Variants in SOCS6 observed in about 807,000 individuals in gnomAD.
SOCS6 encodes the protein STAT induced STAT inhibitor-4.
A neutral mutation model predicts 27.7 loss-of-function variants in SOCS6; 5 were observed. That is an observed-to-expected ratio of 0.18 (90% CI 0.09 to 0.38). The LOEUF is 0.38. Ranked by LOEUF, SOCS6 falls within the 10% of genes least tolerant of loss-of-function variation. SOCS6 has a pLI of 1.00. For missense variants in SOCS6, 595 were observed against 688.1 expected (o/e 0.86, Z 1.51); for synonymous variants, 271 against 260.0 (o/e 1.04, Z -0.41).
At chr18:70,312,270 G>T (rs1172445223) in intron 1 of SOCS6, among the ~76,000 whole-genome samples, 2 of 151,958 alleles carry the variant, frequency 1.3e-5, no homozygotes, top group Non-Finnish European at 2.9e-5. Context: ...CCAATATGTG[G>T]TCTGTATTTA....
chr18:70,324,939 G>A lies in SOCS6; in HGVS notation c.271G>A (p.Ala91Thr). The A allele has an allele frequency of 6.2e-7, 1 of 1,614,216 alleles. No homozygotes were observed. The highest frequency in any genetic ancestry group is 8.5e-7 in the Non-Finnish European group (1 of 1,180,044). The change falls in exon 2 of 2, where the codon GCG becomes ACG. Residue 91 changes from alanine to threonine, a missense_variant. Ala to Thr is a moderately conservative substitution (Grantham distance 58, BLOSUM62 0). Transcript: ENST00000397942. ...LSAKQKSKGK[A>T]GTPSGSSADE... is the part of the protein sequence containing the mutation. ...TGCAAAACAGAAGTCAAAAGGCAAG[G>A]CGGGCACACCCTCTGGGAGCTCTGC... is the stretch of plus-strand genomic sequence containing the variant.
At position 70,328,439 on chromosome 18, in the gene SOCS6, G is replaced by A. The variant is rs1568607818; in HGVS notation, c.*2163G>A. Reference sequence around the variant, plus strand: ...TATGTGGACATAACCTATTCCCTTCGTTTTCTCATCATGCCATGTGTTTAA... The same window carrying A: ...TATGTGGACATAACCTATTCCCTTCATTTTCTCATCATGCCATGTGTTTAA... On this transcript the variant is annotated 3_prime_UTR_variant, in exon 2 of 2. Transcript: ENST00000397942. 6.0e-6 allele frequency: 1 copy of A among 166,072 alleles called. No homozygotes were observed. Among genetic ancestry groups the A allele is most frequent in the African/African-American group, 2.4e-5 (1 of 41,216 alleles). 10.3% of individuals were successfully genotyped at this position (166,072 alleles called of 1,614,324 possible).
At chr18:70,289,804 A>C (rs1442705299) in intron 1 of SOCS6, among the ~76,000 whole-genome samples, 1 of 152,128 alleles carries the variant, frequency 6.6e-6, no homozygotes, top group Non-Finnish European at 1.5e-5. Flanking sequence ...TGTGGAATTT[A>C]AACCGCTCCT....
At chr18:70,307,690 AGC>A (rs2062374999) in intron 1 of SOCS6, among the ~76,000 whole-genome samples, 1 of 152,074 alleles carries the variant, frequency 6.6e-6, no homozygotes, top group African/African-American at 2.4e-5. Context: ...TGATAGTGAT[AGC>A]CTTTCTTTCA....
chr18:70,302,451 T>TG (rs1471615203), intron 1 of SOCS6, among the ~76,000 whole-genome samples: 1 of 152,154 alleles, frequency 6.6e-6, no homozygotes, highest in Non-Finnish European at 1.5e-5. Flanking sequence ...AGGACCCACC[T>TG]GCGGGTCATG....
In SOCS6 at chr18:70,325,260, A is replaced by G. The variant is rs1236274790; in HGVS notation, c.592A>G (p.Asn198Asp). The G allele has an allele frequency of 1.2e-6, 2 of 1,614,170 alleles. No individual in the cohort carries two copies. The highest frequency in any genetic ancestry group is 3.3e-5 in the Admixed American group (2 of 60,020). Residue 198 changes from asparagine to aspartate, a missense_variant, in exon 2 of 2, where the codon AAT becomes GAT. Transcript: ENST00000397942. This position sits in a 1 kb window ranked among gnomAD's most constrained non-coding sequence, Gnocchi z 6.3. ...TTCACTGAAGAGCTCGGCTTCTCAT[A>G]ATGGAGACCTGCATCTTCACCTGGA... ...ANSLKSSASH[N>D]GDLHLHLDEH...
chr18:70,297,605 T>G (rs2062330029), intron 1 of SOCS6, among the ~76,000 whole-genome samples: 1 of 152,212 alleles, frequency 6.6e-6, no homozygotes, highest in African/African-American at 2.4e-5. Flanking sequence ...GATCGCATCT[T>G]TGGGAACCCA....
chr18:70,295,016 G>A (rs761536047), intron 1 of SOCS6, among the ~76,000 whole-genome samples: 2 of 152,186 alleles, frequency 1.3e-5, no homozygotes, highest in Non-Finnish European at 2.9e-5. Context: ...TATATCTGAA[G>A]GCCTGGAAGG....
At chr18:70,292,275 G>C (rs529032371) in intron 1 of SOCS6, among the ~76,000 whole-genome samples, 122 of 152,270 alleles carry the variant, frequency 8.0e-4, no homozygotes, top group Non-Finnish European at 1.3e-3. Flanking sequence ...GTCTTATCTG[G>C]GGCTAAAGTG....
At chr18:70,302,249 G>A (rs1233317469) in intron 1 of SOCS6, among the ~76,000 whole-genome samples, 7 of 134,062 alleles carry the variant, frequency 5.2e-5, no homozygotes, top group African/African-American at 1.0e-4. Context: ...CGAGTCCAAG[G>A]TCTTCTGATG....
At chr18:70,320,069 G>A (rs1910919893) in intron 1 of SOCS6, among the ~76,000 whole-genome samples, 1 of 151,768 alleles carries the variant, frequency 6.6e-6, no homozygotes, top group Non-Finnish European at 1.5e-5. Flanking sequence ...TCAGCTCACT[G>A]CAGTCTCTGC....
chr18:70,322,993 G>A lies in SOCS6; in HGVS notation c.-126-1550G>A, dbSNP rs541444882. Among the ~76,000 whole-genome samples, 7 of 152,300 alleles carry A rather than the reference G, an allele frequency of 4.6e-5. No homozygotes were observed. The East Asian group carries it at 7.7e-4, about 17-fold the overall frequency. On this transcript the variant is annotated intron_variant, in intron 1 of 1. Coordinates refer to ENST00000397942, the MANE Select transcript of SOCS6 (RefSeq NM_004232.4). ...TACATCTGTCTCTCCTACTGGATTA[G>A]GTGACCATCAGTTATTCATCAATCT...
At chr18:70,296,403 C>T (rs1376882874) in intron 1 of SOCS6, among the ~76,000 whole-genome samples, 1 of 152,198 alleles carries the variant, frequency 6.6e-6, no homozygotes, top group Non-Finnish European at 1.5e-5. Flanking sequence ...TGGCCTCTTC[C>T]TTTGGGTCCA....
chr18:70,295,682 A>G (rs1221244221), intron 1 of SOCS6, among the ~76,000 whole-genome samples: 1 of 152,194 alleles, frequency 6.6e-6, no homozygotes, highest in Non-Finnish European at 1.5e-5. Flanking sequence ...CAGTGCAGAG[A>G]ATTTCAGTAG....
At chr18:70,296,627 G>A (rs765169270) in intron 1 of SOCS6, 2 of 152,254 alleles carry the variant, frequency 1.3e-5, no homozygotes, top group Non-Finnish European at 2.9e-5. Context: ...TTGCTCCGTT[G>A]TCGTCCGGTT....
At chr18:70,316,508 G>T (rs1382872349) in intron 1 of SOCS6, among the ~76,000 whole-genome samples, 1 of 152,026 alleles carries the variant, frequency 6.6e-6, no homozygotes, top group African/African-American at 2.4e-5. Context: ...ACATTTTAAT[G>T]CTGTTCCATT....
In SOCS6 at chr18:70,324,867, A is replaced by C. The variant is rs150466761; in HGVS notation, c.199A>C (p.Arg67=). 51 of 1,614,222 alleles carry C rather than the reference A, an allele frequency of 3.2e-5. No individual in the cohort carries two copies. Among genetic ancestry groups the C allele is most frequent in the Non-Finnish European group, 3.7e-5 (44 of 1,180,036 alleles). Residue 67 remains arginine, a synonymous_variant, in exon 2 of 2, where the codon AGA becomes CGA. Transcript: ENST00000397942. Reference sequence around the variant, plus strand: ...TGAAGATGAAAAAGGCGGAAAAAACAGATCAAAAAGCGAGAGCCTGATGGG... The same window carrying C: ...TGAAGATGAAAAAGGCGGAAAAAACCGATCAAAAAGCGAGAGCCTGATGGG... ...NGEDEKGGKN[R]SKSESLMGTL... is the part of the protein sequence containing the mutation.
intron 1 of SOCS6, among the ~76,000 whole-genome samples, chr18:70,304,140 AC>A (rs1339686164): frequency 6.6e-6 from 1 of 152,190 alleles, no homozygotes; most frequent in African/African-American, 2.4e-5. Context: ...GTAAAGGTAA[AC>A]TGATAAATTT....
chr18:70,310,793 T>G lies in SOCS6; in HGVS notation c.-126-13750T>G, dbSNP rs188561547. On this transcript the variant is annotated intron_variant, in intron 1 of 1. Coordinates refer to ENST00000397942, the MANE Select transcript of SOCS6 (RefSeq NM_004232.4). ...TCATGAGGTTCTGTGTTGCCATGCC[T>G]GATGTTAAGTGAGTGCACATTCAAG... 5.9e-5 allele frequency among the ~76,000 whole-genome samples: 9 copies of G among 152,346 alleles called. No homozygotes were observed. The East Asian group carries it at 1.7e-3, about 29-fold the overall frequency.
Sources: allele counts gnomAD v4.1 joint callset (sites outside exome capture counted in the v4.1 genomes callset), GRCh38; gene constraint gnomAD v4.1.1; non-coding constraint Gnocchi (gnomAD v3.1); transcripts MANE v1.5; gene names NCBI Gene and HGNC (gene_info 2026-07-23, HGNC 2026-07-21).